CAST: variants seen among roughly 807,000 people sequenced by gnomAD.
CAST encodes calpastatin.
In CAST, 76 loss-of-function variants were observed where a neutral mutation model predicts 119.6. The ratio of observed to expected loss-of-function variants is 0.64; its 90% CI spans 0.53 to 0.77. The LOEUF is 0.77. CAST is among the 30% of genes least tolerant of loss of function. The pLI is 0.00. For missense variants in CAST, 953 were observed against 946.5 expected (o/e 1.01, Z -0.09); for synonymous variants, 319 against 331.6 (o/e 0.96, Z 0.41).
At chr5:96,662,222 G>T, upstream of CAST, 1 of 545,828 alleles carries the variant, frequency 1.8e-6, no homozygotes, top group Non-Finnish European at 2.9e-6. Flanking sequence ...GTCCCTCCGC[G>T]GGCAGGAAGG....
the CAST span, among the ~76,000 whole-genome samples, chr5:96,092,523 T>C: frequency 6.6e-5 from 10 of 152,224 alleles, no homozygotes; most frequent in African/African-American, 2.4e-4. Context: ...ATCGTGTAGC[T>C]TCATGACACC....
At chr5:96,362,140 A>T in the CAST span, among the ~76,000 whole-genome samples, 5 of 152,018 alleles carry the variant, frequency 3.3e-5, no homozygotes, top group Admixed American at 6.6e-5. Context: ...AGCTTCATCC[A>T]TGTCCCTACA....
At chr5:96,226,755 G>A in the CAST span, among the ~76,000 whole-genome samples, 1 of 152,120 alleles carries the variant, frequency 6.6e-6, no homozygotes, top group African/African-American at 2.4e-5. Flanking sequence ...TGATTTCTAG[G>A]TTTAACTTTC....
chr5:96,339,289 G>A, the CAST span, among the ~76,000 whole-genome samples: 1 of 152,094 alleles, frequency 6.6e-6, no homozygotes, highest in African/African-American at 2.4e-5. Context: ...TCTTCTTGGT[G>A]CATCTATAAA....
intron 1 of CAST, among the ~76,000 whole-genome samples, chr5:96,602,570 G>T (rs1747175033): frequency 6.6e-6 from 1 of 152,188 alleles, no homozygotes; most frequent in African/African-American, 2.4e-5. Flanking sequence ...TGGTCACATG[G>T]TGAAACCCCA....
At chr5:95,964,396 G>A in the CAST span, among the ~76,000 whole-genome samples, 2 of 152,126 alleles carry the variant, frequency 1.3e-5, no homozygotes, top group Admixed American at 6.5e-5. Flanking sequence ...TATAACATGC[G>A]GTAGAGGATT....
At chr5:96,334,558 T>C in the CAST span, among the ~76,000 whole-genome samples, 1 of 152,200 alleles carries the variant, frequency 6.6e-6, no homozygotes. Flanking sequence ...ACTGGCCCCT[T>C]TCTCTGTTCC....
the CAST span, among the ~76,000 whole-genome samples, chr5:96,315,328 A>G: frequency 6.6e-6 from 1 of 152,224 alleles, no homozygotes; most frequent in Non-Finnish European, 1.5e-5. Context: ...TTATATGACA[A>G]CCGTAGCCAA....
At chr5:96,241,790 T>A in the CAST span, among the ~76,000 whole-genome samples, 8 of 151,340 alleles carry the variant, frequency 5.3e-5, no homozygotes, top group East Asian at 1.5e-3. Context: ...ATTGTGGTTT[T>A]GATTTGTATT....
intron 3 of CAST, chr5:96,702,759 G>A: frequency 1.0e-6 from 1 of 985,316 alleles, no homozygotes; most frequent in Non-Finnish European, 1.2e-6. Flanking sequence ...GGGGGGCGGG[G>A]AGCATCCTGC....
At chr5:96,631,921 A>C (rs968982162) in intron 1 of CAST, among the ~76,000 whole-genome samples, 1 of 152,270 alleles carries the variant, frequency 6.6e-6, no homozygotes, top group Admixed American at 6.5e-5. Flanking sequence ...GGAACAGCCA[A>C]GCTGTTTTTC....
chr5:96,103,713 C>T, the CAST span, among the ~76,000 whole-genome samples: 1 of 151,866 alleles, frequency 6.6e-6, no homozygotes, highest in African/African-American at 2.4e-5. Flanking sequence ...TGGGTATATA[C>T]CCAGTAATGG....
chr5:96,049,933 GAGA>G, the CAST span, among the ~76,000 whole-genome samples: 10 of 135,648 alleles, frequency 7.4e-5, no homozygotes, highest in Admixed American at 1.5e-4. Flanking sequence ...AGAAAAAAAG[GAGA>G]AGAAGGAGAT....
intron 12 of CAST, among the ~76,000 whole-genome samples, chr5:96,740,484 A>G (rs761511761): frequency 2.6e-5 from 4 of 152,100 alleles, no homozygotes; most frequent in Admixed American, 6.5e-5. Flanking sequence ...GCTTCTATGC[A>G]TATCTCTGGG....
At chr5:96,715,012 T>C (rs541324272) in intron 3 of CAST, 5 of 152,322 alleles carry the variant, frequency 3.3e-5, no homozygotes, top group Admixed American at 2.0e-4. Flanking sequence ...ACAGATCAGC[T>C]GTGACTATTG....
the CAST span, among the ~76,000 whole-genome samples, chr5:96,356,069 G>A: frequency 6.6e-6 from 1 of 152,010 alleles, no homozygotes; most frequent in Admixed American, 6.6e-5. Context: ...TTTTTGATTC[G>A]CATTTCTTTA....
the CAST span, among the ~76,000 whole-genome samples, chr5:96,513,746 C>G: frequency 2.0e-5 from 3 of 152,072 alleles, no homozygotes; most frequent in Non-Finnish European, 4.4e-5. Context: ...TTTGAAAAAT[C>G]TTAGCTTATT....
At chr5:96,502,339 C>A in the CAST span, among the ~76,000 whole-genome samples, 10 of 152,064 alleles carry the variant, frequency 6.6e-5, no homozygotes, top group African/African-American at 2.4e-4. Flanking sequence ...ATTATTTGAA[C>A]TAGGTTGTAA....
At chr5:96,148,293 A>G in the CAST span, among the ~76,000 whole-genome samples, 2 of 151,940 alleles carry the variant, frequency 1.3e-5, no homozygotes, top group African/African-American at 4.8e-5. Flanking sequence ...TATGATAATG[A>G]TTTTTTTTGT....
Sources: gnomAD v4.1 joint callset for allele counts (sites outside exome capture counted in the v4.1 genomes callset) on GRCh38, gnomAD v4.1.1 for gene constraint, MANE v1.5 for transcripts, NCBI Gene and HGNC (gene_info 2026-07-23, HGNC 2026-07-21) for gene names.